The following VPS13A variants were observed in gnomAD, a reference collection of about 807,000 sequenced individuals.
VPS13A encodes intermembrane lipid transfer protein VPS13A.
In VPS13A, 264 loss-of-function variants were observed where a neutral mutation model predicts 390.9. The ratio of observed to expected loss-of-function variants is 0.68; its 90% CI spans 0.61 to 0.75. The LOEUF (loss-of-function observed/expected upper bound fraction) is 0.75. Among genes scored for constraint, VPS13A ranks in the 30% least tolerant of loss-of-function variants. The pLI is 0.00. For missense variants in VPS13A, 3,409 were observed against 3,733.9 expected (o/e 0.91, Z 2.27); for synonymous variants, 1,231 against 1,227.1 (o/e 1.00, Z -0.07).
Position 77,360,648 on chromosome 9 carries a change from C to A in VPS13A, c.8211+7C>A. 6.3e-7 allele frequency: 1 copy of A among 1,580,678 alleles called. No individual in the cohort carries two copies. Among genetic ancestry groups the A allele is most frequent in the Non-Finnish European group, 8.7e-7 (1 of 1,150,652 alleles). On this transcript the variant is annotated splice_region_variant and intron_variant, in intron 59 of 71. Coordinates refer to ENST00000360280, the MANE Select transcript of VPS13A (RefSeq NM_033305.3). ...GGTGACTGAAAATACAGAGGTAAGA[C>A]TTAAAATAATAACATTTGATGGAAA...
At chr9:77,414,594 TGGG>T in intron 71 of VPS13A, among the ~76,000 whole-genome samples, 1 of 149,354 alleles carries the variant, frequency 6.7e-6, no homozygotes, top group East Asian at 2.0e-4. Flanking sequence ...TGTTATGGGA[TGGG>T]GGGAGGGAGG....
In VPS13A at chr9:77,206,179, A is replaced by G. The variant is rs1589995333; in HGVS notation, c.385+100A>G. On this transcript the variant is annotated intron_variant, in intron 5 of 71. Transcript: ENST00000360280. ...ATTTTTCTCTGGAGATGCTGAGATTATTTCAGAAATATGATAGAATCTCAT... is the reference window on the plus strand; with the variant it reads ...ATTTTTCTCTGGAGATGCTGAGATTGTTTCAGAAATATGATAGAATCTCAT... The G allele has an allele frequency of 3.4e-6, 3 of 872,702 alleles. No individual in the cohort carries two copies. In the East Asian group the frequency reaches 8.3e-5, roughly 24 times the overall value. The allele number at this position is 872,702 out of a possible 1,614,324, so 54.1% of individuals were successfully genotyped here. A position where few individuals can be genotyped will look rare whatever the true frequency, so the allele number is the denominator to read the frequency against.
At chr9:77,266,242 G>A (rs774787749) in intron 23 of VPS13A, among the ~76,000 whole-genome samples, 12 of 152,220 alleles carry the variant, frequency 7.9e-5, no homozygotes, top group Non-Finnish European at 1.5e-4. Context: ...TAAATGTGAT[G>A]TGGTTCTGAG....
rs370453505 is a variant in VPS13A at position 77,220,253 on chromosome 9, G to T, written c.883-24G>T. 7.9e-5 allele frequency: 126 copies of T among 1,590,186 alleles called. No individual in the cohort carries two copies. In the African/African-American group the frequency reaches 1.5e-3, roughly 19 times the overall value. ...GAACAAAAAAATGTGATACATTTAA[G>T]AGCTTTAATTTTCCATTCTTTAGTA... On this transcript the variant is annotated intron_variant, in intron 11 of 71. Coordinates refer to ENST00000360280, the MANE Select transcript of VPS13A (RefSeq NM_033305.3).
intron 67 of VPS13A, among the ~76,000 whole-genome samples, chr9:77,374,995 C>T (rs1212992195): frequency 6.6e-6 from 1 of 151,958 alleles, no homozygotes; most frequent in African/African-American, 2.4e-5. Flanking sequence ...CTGGTTTCGG[C>T]ATTTAGAATT....
intron 17 of VPS13A, among the ~76,000 whole-genome samples, chr9:77,232,299 G>C (rs1043753664): frequency 6.6e-6 from 1 of 152,156 alleles, no homozygotes; most frequent in Non-Finnish European, 1.5e-5. Flanking sequence ...TTTCTGGAAA[G>C]TGTCTCTTTG....
At chr9:77,382,510 T>C in intron 68 of VPS13A, 1 of 1,268,506 alleles carries the variant, frequency 7.9e-7, no homozygotes, top group Non-Finnish European at 1.0e-6. Context: ...CCTTTGTACC[T>C]TATGTATCCT....
rs1299639156 is a variant in VPS13A at position 77,213,282 on chromosome 9, A to T, written c.664A>T (p.Met222Leu). ...TGCCTATTGGAATGTGAAGTCTCAGATGTTTTATCTTAGTGATTATGATAA... is the reference window on the plus strand; with the variant it reads ...TGCCTATTGGAATGTGAAGTCTCAGTTGTTTTATCTTAGTGATTATGATAA... ...LFAYWNVKSQ[M>L]FYLSDYDNSL... Residue 222 changes from methionine to leucine, a missense_variant, in exon 9 of 72, where the codon ATG becomes TTG. By Grantham distance (15) the Met-to-Leu change is conservative (BLOSUM62 2). This residue lies in a region of VPS13A where 2,717 missense variants were observed against 2,917.4 expected (regional missense o/e 0.93). Coordinates refer to ENST00000360280, the MANE Select transcript of VPS13A (RefSeq NM_033305.3). 6.2e-7 allele frequency: 1 copy of T among 1,613,596 alleles called. No homozygotes were observed. The highest frequency in any genetic ancestry group is 1.3e-5 in the African/African-American group (1 of 74,898).
chr9:77,358,589 T>G (rs1831949315), intron 57 of VPS13A, 151 bp downstream of exon 57: 1 of 650,478 alleles, frequency 1.5e-6, no homozygotes, highest in Non-Finnish European at 2.7e-6. Flanking sequence ...CAGCAAGTAC[T>G]ATACACAACT....
intron 69 of VPS13A, 86 bp from the exon 70 acceptor site, chr9:77,405,778 A>G (rs1370764225): frequency 1.3e-6 from 2 of 1,542,064 alleles, no homozygotes; most frequent in African/African-American, 2.7e-5. Flanking sequence ...TTGCATTTGC[A>G]CTTGCGATTC....
At chr9:77,311,224 C>A (rs1178622502) in intron 35 of VPS13A, among the ~76,000 whole-genome samples, 1 of 151,992 alleles carries the variant, frequency 6.6e-6, no homozygotes, top group African/African-American at 2.4e-5. Flanking sequence ...ATGCCTGGCC[C>A]ACTTTCACTA....
chr9:77,283,578 A>T lies in VPS13A; in HGVS notation c.3267A>T (p.Ser1089=), dbSNP rs1260781307. The T allele has an allele frequency of 6.2e-7, 1 of 1,613,458 alleles. No homozygotes were observed. Among genetic ancestry groups the T allele is most frequent in the Non-Finnish European group, 8.5e-7 (1 of 1,179,704 alleles). The part of the protein sequence containing the change: ...GLDSEMIMRP[S]ETEINAKLRN... ...ATTCTGAGATGATTATGAGGCCTTC[A>T]GAAACTGAAATAAACGCAAAGCTAA... The change falls in exon 31 of 72, where the codon TCA becomes TCT. Residue 1089 remains serine, a synonymous_variant. Coordinates refer to ENST00000360280, the MANE Select transcript of VPS13A (RefSeq NM_033305.3).
At chr9:77,405,619 A>T (rs1834565158) in intron 69 of VPS13A, among the ~76,000 whole-genome samples, 1 of 152,124 alleles carries the variant, frequency 6.6e-6, no homozygotes, top group African/African-American at 2.4e-5. Flanking sequence ...GATTATTTGG[A>T]AGTGTTACTT....
intron 55 of VPS13A, among the ~76,000 whole-genome samples, chr9:77,357,474 TGTG>T (rs1485767950): frequency 6.6e-5 from 10 of 152,154 alleles, no homozygotes; most frequent in African/African-American, 1.9e-4. Flanking sequence ...TCATTTTTAT[TGTG>T]GTAAATTTTA....
chr9:77,223,312 C>CT (rs1034253193), intron 13 of VPS13A, among the ~76,000 whole-genome samples: 47 of 152,154 alleles, frequency 3.1e-4, no homozygotes, highest in African/African-American at 1.1e-3. Context: ...ACAAAGGCCT[C>CT]TAAGTGTTCA....
Position 77,221,165 on chromosome 9 carries a change from GTTTTTC to G in VPS13A, c.990-14_990-9del. 1 of 1,611,964 alleles carries G rather than the reference GTTTTTC, an allele frequency of 6.2e-7. No homozygotes were observed. Among genetic ancestry groups the G allele is most frequent in the Non-Finnish European group, 8.5e-7 (1 of 1,178,516 alleles). ...TACTGTTGATTTGAGGGTGTTAAAT[GTTTTTC>G]TTTTTTTAACTAGGTGGGCTTATGC... On this transcript the variant is annotated splice_polypyrimidine_tract_variant and intron_variant, in intron 12 of 71. Transcript: ENST00000360280.
intron 23 of VPS13A, among the ~76,000 whole-genome samples, chr9:77,263,364 C>T (rs1265209356): frequency 6.6e-6 from 1 of 152,082 alleles, no homozygotes; most frequent in Non-Finnish European, 1.5e-5. Flanking sequence ...GCCTCTGCCT[C>T]CCAAAGTGCT....
In VPS13A at chr9:77,369,312, T is replaced by C; in HGVS notation, c.8567T>C (p.Met2856Thr). 1 of 1,611,226 alleles carries C rather than the reference T, an allele frequency of 6.2e-7. No individual in the cohort carries two copies. The highest frequency in any genetic ancestry group is 8.5e-7 in the Non-Finnish European group (1 of 1,177,412). ...RHYSKQAIKQ[M>T]YVLILGLDVL... ...TTTTATTTTTAGGCCATTAAGCAGA[T>C]GTATGTACTCATTCTTGGACTTGAT... Residue 2856 changes from methionine to threonine, a missense_variant, in exon 63 of 72, where the codon ATG becomes ACG. This residue lies in a region of VPS13A where 30 missense variants were observed against 63.4 expected (regional missense o/e 0.47). Transcript: ENST00000360280.
At position 77,420,423 on chromosome 9, in the gene VPS13A, A is replaced by AT. The variant is rs1835308647; in HGVS notation, c.*4423dup. The AT allele has an allele frequency of 2.0e-5, 3 of 151,972 alleles. No individual in the cohort carries two copies. The highest frequency in any genetic ancestry group is 4.8e-5 in the African/African-American group (2 of 41,390). The allele number at this position is 151,972 out of a possible 1,614,324, so 9.4% of individuals were successfully genotyped here. On this transcript the variant is annotated 3_prime_UTR_variant, in exon 72 of 72. Transcript: ENST00000360280. ...TAAATTTTTCCATGTCATTTAAAAA[A>AT]TTTTTTACTTTAGAATTACAGATTA...
Sources: gnomAD v4.1 joint callset for allele counts (sites outside exome capture counted in the v4.1 genomes callset) on GRCh38, gnomAD v4.1.1 for gene constraint, gnomAD v4.1.1 regional missense constraint, MANE v1.5 for transcripts, NCBI Gene and HGNC (gene_info 2026-07-23, HGNC 2026-07-21) for gene names.